ANK3: variants seen among roughly 807,000 people sequenced by gnomAD.
The protein encoded by ANK3 is ankyrin 3.
In ANK3, 57 loss-of-function variants were observed where a neutral mutation model predicts 370.9. That is an observed-to-expected ratio of 0.15 (90% CI 0.12 to 0.19). The LOEUF is 0.19. Ranked by LOEUF, ANK3 falls within the 10% of genes least tolerant of loss-of-function variation. The pLI is 1.00. For synonymous variants in ANK3, 1,929 were observed against 1,946.3 expected (o/e 0.99, Z 0.23); for missense variants, 4,439 against 5,302.1 (o/e 0.84, Z 5.06).
At chr10:60,604,866 A>G (rs867291850) in intron 2 of ANK3, among the ~76,000 whole-genome samples, 1 of 152,222 alleles carries the variant, frequency 6.6e-6, no homozygotes, top group South Asian at 2.1e-4. Context: ...TAAGCTCCAA[A>G]CAACTAAATC....
intron 2 of ANK3, among the ~76,000 whole-genome samples, chr10:60,452,182 T>C (rs1004928187): frequency 3.3e-5 from 5 of 151,982 alleles, no homozygotes; most frequent in Admixed American, 2.6e-4. Context: ...ACCAGCAGAG[T>C]GGACTGATCA....
rs61497871 is a variant in ANK3, at chr10:60,089,459, TTGTGTGTGTGTGTGTGTG to T, written c.3329-1119_3329-1102del. ...CCTCTCTCACTCCAGTCCATCCAGG[TTGTGTGTGTGTGTGTGTG>T]TGTGTGTGTGTGTGTGTGTGTGTGT... On this transcript the variant is annotated intron_variant, in intron 28 of 43. Transcript: ENST00000280772. 7.8e-3 allele frequency among the ~76,000 whole-genome samples: 1,108 copies of T among 141,632 alleles called. 11 individuals are homozygous for T. The highest frequency in any genetic ancestry group is 0.016 in the African/African-American group (623 of 37,992). The allele number at this position is 141,632 out of a possible 152,430, so 92.9% of individuals were successfully genotyped here.
In ANK3 at chr10:60,264,563, A is replaced by T. The variant is rs368029154; in HGVS notation, c.514-543T>A. ...GAGGCTGAGACAGAGGAATAGCTTGAATCTGGGAGGTGGAGACTGCAGTGA... is the reference window on the plus strand; with the variant it reads ...GAGGCTGAGACAGAGGAATAGCTTGTATCTGGGAGGTGGAGACTGCAGTGA... On this transcript the variant is annotated intron_variant, in intron 5 of 43. Coordinates refer to ENST00000280772, the MANE Select transcript of ANK3 (RefSeq NM_020987.5). Among the ~76,000 whole-genome samples, 4 of 151,898 alleles carry T rather than the reference A, an allele frequency of 2.6e-5. No individual in the cohort carries two copies. In the South Asian group the frequency reaches 8.3e-4, roughly 32 times the overall value.
chr10:60,559,301 A>G (rs1232319352), intron 2 of ANK3, among the ~76,000 whole-genome samples: 1 of 152,070 alleles, frequency 6.6e-6, no homozygotes, highest in Non-Finnish European at 1.5e-5. Context: ...AGTCCATTGT[A>G]TCATTCTTAA....
chr10:60,550,492 A>C (rs538604546), intron 2 of ANK3, among the ~76,000 whole-genome samples: 2 of 152,032 alleles, frequency 1.3e-5, no homozygotes, highest in African/African-American at 4.8e-5. Context: ...AAAAGTCTAA[A>C]ACACTAAAAA....
At chr10:60,599,636 A>C (rs1221084139) in intron 2 of ANK3, among the ~76,000 whole-genome samples, 1 of 152,034 alleles carries the variant, frequency 6.6e-6, no homozygotes, top group Non-Finnish European at 1.5e-5. Flanking sequence ...CCCATCATCT[A>C]TCTCTCACAA....
chr10:60,088,074 T>C, intron 29 of ANK3, 73 bp downstream of exon 29: 2 of 1,239,066 alleles, frequency 1.6e-6, no homozygotes, highest in South Asian at 2.6e-5. Context: ...TTAGAATAAC[T>C]CTTTCCAGAG....
chr10:60,164,668 C>A (rs187901455), intron 23 of ANK3, among the ~76,000 whole-genome samples: 61 of 152,160 alleles, frequency 4.0e-4, no homozygotes, highest in African/African-American at 1.5e-3. Flanking sequence ...AGTTCAATAA[C>A]ATGAAGGATT....
chr10:60,049,091 T>C (rs1265302576), intron 42 of ANK3, among the ~76,000 whole-genome samples: 1 of 152,054 alleles, frequency 6.6e-6, no homozygotes, highest in East Asian at 1.9e-4. Flanking sequence ...AACAGAAAAA[T>C]AATTTATAAA....
chr10:60,715,897 A>AAG, intron 1 of ANK3, among the ~76,000 whole-genome samples: 1 of 70 alleles, frequency 0.014, no homozygotes, highest in Non-Finnish European at 0.023. Flanking sequence ...ACTCCTTAAC[A>AAG]AGACTCTTCT....
chr10:60,361,148 T>G (rs1002324286), intron 1 of ANK3, among the ~76,000 whole-genome samples: 1 of 152,230 alleles, frequency 6.6e-6, no homozygotes, highest in Non-Finnish European at 1.5e-5. Context: ...TTTGAAATCT[T>G]TCTTCTGGGG....
chr10:60,592,858 G>A (rs192899976), intron 2 of ANK3, among the ~76,000 whole-genome samples: 4 of 152,292 alleles, frequency 2.6e-5, no homozygotes, highest in Admixed American at 1.3e-4. Flanking sequence ...GGTTCTGGTA[G>A]GCTCTTTGAG....
At chr10:60,472,772 T>C (rs1158903051) in intron 2 of ANK3, among the ~76,000 whole-genome samples, 1 of 152,200 alleles carries the variant, frequency 6.6e-6, no homozygotes, top group Non-Finnish European at 1.5e-5. Context: ...CACACATTTC[T>C]TGACACATGG....
chr10:60,644,406 T>A (rs571249714), intron 1 of ANK3, among the ~76,000 whole-genome samples: 1 of 152,336 alleles, frequency 6.6e-6, no homozygotes, highest in African/African-American at 2.4e-5. Flanking sequence ...CTGCTCTAGA[T>A]TCATGAAGAT....
Position 60,158,864 on chromosome 10 carries a change from T to TG in ANK3, c.2614+7726dup, listed in dbSNP as rs1189772473. The stretch of plus-strand genomic sequence containing the variant: ...CTAATTTTTGTATTTTTAGTAGAGA[T>TG]GGGGTTTCACCATGTTGCCCAGGCT... On this transcript the variant is annotated intron_variant, in intron 23 of 43. Coordinates refer to ENST00000280772, the MANE Select transcript of ANK3 (RefSeq NM_020987.5). Among the ~76,000 whole-genome samples, 22 of 151,840 alleles carry TG rather than the reference T, an allele frequency of 1.4e-4. 1 individual carries two copies. Among genetic ancestry groups the TG allele is most frequent in the Admixed American group, 1.2e-3 (19 of 15,220 alleles).
At chr10:60,623,303 G>T (rs2078363526) in intron 1 of ANK3, among the ~76,000 whole-genome samples, 1 of 152,164 alleles carries the variant, frequency 6.6e-6, no homozygotes, top group Non-Finnish European at 1.5e-5. Flanking sequence ...CCACAGAGAT[G>T]TACAAAGAAA....
At chr10:60,335,327 G>T (rs2052558519) in intron 1 of ANK3, among the ~76,000 whole-genome samples, 1 of 151,842 alleles carries the variant, frequency 6.6e-6, no homozygotes, top group Non-Finnish European at 1.5e-5. Flanking sequence ...AAGGAATAAA[G>T]CTACTGTGGG....
At chr10:60,100,388 T>C (rs2091034432) in intron 28 of ANK3, among the ~76,000 whole-genome samples, 1 of 152,052 alleles carries the variant, frequency 6.6e-6, no homozygotes, top group Admixed American at 6.6e-5. Context: ...TTCACATCAG[T>C]GCTCAACTGC....
At chr10:60,205,345 A>G (rs1478205870) in intron 11 of ANK3, among the ~76,000 whole-genome samples, 1 of 152,116 alleles carries the variant, frequency 6.6e-6, no homozygotes, top group Non-Finnish European at 1.5e-5. Context: ...TTGTTGCGGG[A>G]GACTGTCCTG....
Sources: allele counts gnomAD v4.1 joint callset (sites outside exome capture counted in the v4.1 genomes callset), GRCh38; gene constraint gnomAD v4.1.1; transcripts MANE v1.5; gene names NCBI Gene and HGNC (gene_info 2026-07-23, HGNC 2026-07-21).